The following ITGBL1 variants were observed in gnomAD, a reference collection of about 807,000 sequenced individuals.
The protein encoded by ITGBL1 is integrin beta-like protein 1.
ITGBL1 carries 51 observed loss-of-function variants against 68.5 expected under a neutral mutation model. The ratio of observed to expected loss-of-function variants is 0.74; its 90% CI spans 0.59 to 0.94. The LOEUF is 0.94. ITGBL1 is among the 40% of genes least tolerant of loss of function. The probability of loss-of-function intolerance (pLI) is 0.00; values close to 1 mark genes in which losing one functional copy is unlikely to be tolerated. For missense variants in ITGBL1, 649 were observed against 647.4 expected (o/e 1.00, Z -0.03); for synonymous variants, 209 against 227.3 (o/e 0.92, Z 0.72).
intron 4 of ITGBL1, among the ~76,000 whole-genome samples, chr13:101,578,120 G>A (rs569285486): frequency 7.9e-5 from 12 of 152,194 alleles, no homozygotes; most frequent in Non-Finnish European, 1.6e-4. Context: ...TCATCTGCTG[G>A]ACATGAATAG....
chr13:101,504,222 A>G (rs1192289983), intron 2 of ITGBL1, among the ~76,000 whole-genome samples: 1 of 152,182 alleles, frequency 6.6e-6, no homozygotes, highest in Non-Finnish European at 1.5e-5. Flanking sequence ...AAAGTTAAAG[A>G]TCTGTTTTTC....
chr13:101,630,278 A>C (rs2031932688), intron 7 of ITGBL1, among the ~76,000 whole-genome samples: 1 of 152,234 alleles, frequency 6.6e-6, no homozygotes, highest in Admixed American at 6.5e-5. Flanking sequence ...ATTGTCATTC[A>C]ATATTTATTT....
At position 101,671,437 on chromosome 13, in the gene ITGBL1, G is replaced by GTT. The variant is rs1491455482; in HGVS notation, c.1016-21140_1016-21139dup. 2.4e-3 allele frequency among the ~76,000 whole-genome samples: 251 copies of GTT among 102,814 alleles called. 19 individuals are homozygous for GTT. The highest frequency in any genetic ancestry group is 3.7e-3 in the South Asian group (9 of 2,454). 67.4% of individuals were successfully genotyped at this position (102,814 alleles called of 152,430 possible). On this transcript the variant is annotated intron_variant, in intron 7 of 10. Transcript: ENST00000376180. ...AAAAGTATACCTTTGTTTTTTTTTTGTTTTTTTTTGTTTTTTTTTGAGACG... is the reference window on the plus strand; with the variant it reads ...AAAAGTATACCTTTGTTTTTTTTTTGTTTTTTTTTTTGTTTTTTTTTGAGACG...
chr13:101,682,663 TTTA>T lies in ITGBL1; in HGVS notation c.1016-9915_1016-9913del, dbSNP rs531708396. 5.1e-3 allele frequency among the ~76,000 whole-genome samples: 777 copies of T among 152,196 alleles called. 11 individuals carry two copies. Among genetic ancestry groups the T allele is most frequent in the African/African-American group, 0.017 (722 of 41,554 alleles). The stretch of plus-strand genomic sequence containing the variant: ...CCTCAGTTCATTTTTCTTTTGCTCA[TTTA>T]TTATTAGTTATTTTTATTTTAACTT... On this transcript the variant is annotated intron_variant, in intron 7 of 10. Coordinates refer to ENST00000376180, the MANE Select transcript of ITGBL1 (RefSeq NM_004791.3).
chr13:101,675,004 G>T (rs1387913537), intron 7 of ITGBL1, among the ~76,000 whole-genome samples: 1 of 151,968 alleles, frequency 6.6e-6, no homozygotes, highest in Non-Finnish European at 1.5e-5. Context: ...ACTTCTGTTA[G>T]TATCTGTTTG....
At chr13:101,628,049 T>C (rs1187389001) in intron 7 of ITGBL1, among the ~76,000 whole-genome samples, 1 of 149,362 alleles carries the variant, frequency 6.7e-6, no homozygotes, top group African/African-American at 2.5e-5. Context: ...TGTAGCATTT[T>C]GCATTCCCAC....
intron 2 of ITGBL1, among the ~76,000 whole-genome samples, chr13:101,466,925 T>C (rs1199308364): frequency 6.6e-6 from 1 of 152,142 alleles, no homozygotes. Context: ...CTGAGTAATT[T>C]AGAAACAGGA....
Position 101,526,203 on chromosome 13 carries a change from C to T in ITGBL1, c.317-41496C>T, listed in dbSNP as rs560879916. 4.1e-5 allele frequency among the ~76,000 whole-genome samples: 6 copies of T among 146,872 alleles called. No homozygotes were observed. The East Asian group carries it at 6.0e-4, about 15-fold the overall frequency. Reference sequence around the variant, plus strand: ...TAAGTTCTGGGATACATATGCAGAACGTGCAAGTTTGTTACATAGGTATAC... The same window carrying T: ...TAAGTTCTGGGATACATATGCAGAATGTGCAAGTTTGTTACATAGGTATAC... On this transcript the variant is annotated intron_variant, in intron 2 of 10. Coordinates refer to ENST00000376180, the MANE Select transcript of ITGBL1 (RefSeq NM_004791.3).
intron 2 of ITGBL1, among the ~76,000 whole-genome samples, chr13:101,494,818 C>CA (rs2048832655): frequency 6.6e-6 from 1 of 152,084 alleles, no homozygotes; most frequent in African/African-American, 2.4e-5. Flanking sequence ...ATGCATAAGA[C>CA]AAAAATGTAA....
intron 2 of ITGBL1, among the ~76,000 whole-genome samples, chr13:101,546,998 A>G (rs1242222203): frequency 6.6e-6 from 1 of 151,992 alleles, no homozygotes; most frequent in Non-Finnish European, 1.5e-5. Context: ...CAGAGAAAAT[A>G]AAACACAAAA....
At chr13:101,623,770 C>T (rs1469971916) in intron 7 of ITGBL1, among the ~76,000 whole-genome samples, 1 of 152,220 alleles carries the variant, frequency 6.6e-6, no homozygotes, top group Non-Finnish European at 1.5e-5. Flanking sequence ...CTTTCTCCTT[C>T]ACATTAGGTG....
chr13:101,579,832 A>T (rs944792232), intron 5 of ITGBL1, among the ~76,000 whole-genome samples: 42 of 152,304 alleles, frequency 2.8e-4, no homozygotes, highest in Non-Finnish European at 8.8e-5. Flanking sequence ...TGTCTTAATT[A>T]TGAGTATATG....
chr13:101,646,794 CTT>C (rs1366132405), intron 7 of ITGBL1, among the ~76,000 whole-genome samples: 1 of 151,954 alleles, frequency 6.6e-6, no homozygotes, highest in Non-Finnish European at 1.5e-5. Context: ...AAGGAAAAAA[CTT>C]TTCAAAGGAC....
intron 2 of ITGBL1, among the ~76,000 whole-genome samples, chr13:101,496,942 G>T (rs1176994845): frequency 1.3e-5 from 2 of 152,176 alleles, no homozygotes; most frequent in African/African-American, 4.8e-5. Flanking sequence ...CCTGTGGAAA[G>T]CCTGGGATGT....
intron 7 of ITGBL1, among the ~76,000 whole-genome samples, chr13:101,636,533 T>C (rs183867666): frequency 2.6e-5 from 4 of 152,298 alleles, no homozygotes; most frequent in Admixed American, 2.0e-4. Context: ...ATGTTACTTA[T>C]ATTTCTTCAG....
chr13:101,470,335 A>AT (rs955975242), intron 2 of ITGBL1, among the ~76,000 whole-genome samples: 285 of 146,256 alleles, frequency 1.9e-3, no homozygotes, highest in African/African-American at 3.5e-3. Context: ...TAATTAATTT[A>AT]TTTTTTTTTT....
chr13:101,533,270 C>CTAG (rs1288532219), intron 2 of ITGBL1, among the ~76,000 whole-genome samples: 1 of 152,178 alleles, frequency 6.6e-6, no homozygotes, highest in Admixed American at 6.5e-5. Context: ...CCCACCTCTG[C>CTAG]TAGTATAGCT....
chr13:101,694,798 G>C (rs1402665835), intron 8 of ITGBL1, among the ~76,000 whole-genome samples: 1 of 152,050 alleles, frequency 6.6e-6, no homozygotes, highest in Non-Finnish European at 1.5e-5. Context: ...TTCATATTTA[G>C]GTCAATGTCT....
intron 8 of ITGBL1, among the ~76,000 whole-genome samples, chr13:101,698,003 C>G (rs1313775339): frequency 2.0e-5 from 3 of 152,152 alleles, no homozygotes; most frequent in African/African-American, 7.2e-5. Flanking sequence ...CCCCCATCAT[C>G]TCTCCAGTGG....
Sources: allele counts gnomAD v4.1 joint callset (sites outside exome capture counted in the v4.1 genomes callset), GRCh38; gene constraint gnomAD v4.1.1; transcripts MANE v1.5; gene names NCBI Gene and HGNC (gene_info 2026-07-23, HGNC 2026-07-21).